PEX5L: variants seen among roughly 807,000 people sequenced by gnomAD.
PEX5L encodes the protein peroxisomal biogenesis factor 5 like.
Under a neutral mutation model 84.0 loss-of-function variants are expected in PEX5L, and 30 were observed. That is an observed-to-expected ratio of 0.36 (90% CI 0.27 to 0.48). PEX5L has a LOEUF of 0.48. Among genes scored for constraint, PEX5L ranks in the 20% least tolerant of loss-of-function variants. The pLI is 0.99. For missense variants in PEX5L, 533 were observed against 754.6 expected (o/e 0.71, Z 3.44); for synonymous variants, 270 against 283.1 (o/e 0.95, Z 0.46).
chr3:180,027,325 C>CT (rs1477973045), intron 1 of PEX5L, among the ~76,000 whole-genome samples: 1 of 152,134 alleles, frequency 6.6e-6, no homozygotes, highest in African/African-American at 2.4e-5. Context: ...CCCCAATGTA[C>CT]TTTTTTTCCA....
chr3:179,815,747 A>T, intron 10 of PEX5L, 114 bp downstream of exon 10: 1 of 1,144,490 alleles, frequency 8.7e-7, no homozygotes, highest in Non-Finnish European at 1.3e-6. Flanking sequence ...AGCTAGGTTA[A>T]CTCCTCTGGG....
chr3:179,963,385 T>C (rs1254584398), intron 2 of PEX5L, among the ~76,000 whole-genome samples: 2 of 152,206 alleles, frequency 1.3e-5, no homozygotes, highest in Non-Finnish European at 2.9e-5. Flanking sequence ...TGGCCAGTTT[T>C]CTTTGGAAGT....
At chr3:179,840,192 T>G (rs1015176794) in intron 8 of PEX5L, among the ~76,000 whole-genome samples, 2 of 144,182 alleles carry the variant, frequency 1.4e-5, no homozygotes, top group African/African-American at 5.1e-5. Context: ...TGTTTTTTTT[T>G]TTTTTTTTTT....
chr3:179,881,580 C>T (rs1754181594), intron 4 of PEX5L: 2 of 152,170 alleles, frequency 1.3e-5, no homozygotes, highest in Non-Finnish European at 2.9e-5. Context: ...ACAATAGGTA[C>T]TCAATAAATG....
chr3:180,032,002 G>A (rs756474929), intron 1 of PEX5L, among the ~76,000 whole-genome samples: 3 of 152,130 alleles, frequency 2.0e-5, no homozygotes, highest in Non-Finnish European at 4.4e-5. Context: ...GTTTCTTATA[G>A]TAAGTATATA....
chr3:180,036,507 G>A, intron 1 of PEX5L, 72 bp downstream of exon 1: 1 of 1,436,448 alleles, frequency 7.0e-7, no homozygotes, highest in Non-Finnish European at 9.8e-7. Context: ...CTTGACCACA[G>A]AAACTTGGTG....
At chr3:179,967,341 C>T (rs4855130) in intron 2 of PEX5L, among the ~76,000 whole-genome samples, 67,637 of 151,824 alleles carry the variant, frequency 0.45, 16,272 homozygotes, top group East Asian at 0.89. Flanking sequence ...TTCTCATTTG[C>T]TAAACTGGGG....
intron 1 of PEX5L, among the ~76,000 whole-genome samples, chr3:180,031,347 G>T (rs1303968263): frequency 6.6e-6 from 1 of 152,192 alleles, no homozygotes; most frequent in Non-Finnish European, 1.5e-5. Flanking sequence ...TAGGTGAGGT[G>T]AGGTAGAAGT....
chr3:179,889,311 T>G (rs1278150785), intron 3 of PEX5L, among the ~76,000 whole-genome samples: 1 of 152,138 alleles, frequency 6.6e-6, no homozygotes, highest in Non-Finnish European at 1.5e-5. Context: ...CTTTTATTTC[T>G]GAAAGGGCAA....
At chr3:180,019,905 A>G (rs1390813541) in intron 1 of PEX5L, among the ~76,000 whole-genome samples, 2 of 152,218 alleles carry the variant, frequency 1.3e-5, no homozygotes, top group Admixed American at 1.3e-4. Context: ...AAAACTTGGC[A>G]ACAAATCTGT....
intron 4 of PEX5L, among the ~76,000 whole-genome samples, chr3:179,884,348 G>T (rs1008162562): frequency 2.6e-5 from 4 of 152,300 alleles, no homozygotes; most frequent in Non-Finnish European, 5.9e-5. Context: ...AGTTAGGGGG[G>T]TCAGAGCCAG....
chr3:179,954,716 T>C (rs1247344791), intron 2 of PEX5L, among the ~76,000 whole-genome samples: 1 of 152,156 alleles, frequency 6.6e-6, no homozygotes, highest in East Asian at 1.9e-4. Context: ...CTGATTTCAA[T>C]TCTATGTTTG....
Position 179,815,850 on chromosome 3 carries a change from G to C in PEX5L, c.1083+11C>G, listed in dbSNP as rs2108874358. On this transcript the variant is annotated intron_variant, in intron 10 of 14. Coordinates refer to ENST00000467460, the MANE Select transcript of PEX5L (RefSeq NM_016559.3). ...CTTTCTGAGTCTGGCAGAATGAAGG[G>C]AGAATGACACCTCTGCATCTCCAGG... The C allele has an allele frequency of 1.2e-6, 2 of 1,613,832 alleles. No individual in the cohort carries two copies. Among genetic ancestry groups the C allele is most frequent in the East Asian group, 4.5e-5 (2 of 44,876 alleles).
intron 2 of PEX5L, among the ~76,000 whole-genome samples, chr3:179,952,481 G>C (rs2109980267): frequency 6.6e-6 from 1 of 152,240 alleles, no homozygotes; most frequent in South Asian, 2.1e-4. Flanking sequence ...TTAACAATTT[G>C]TAAGTTCATC....
chr3:179,918,308 C>T (rs1767991496), intron 2 of PEX5L, among the ~76,000 whole-genome samples: 1 of 152,112 alleles, frequency 6.6e-6, no homozygotes, highest in South Asian at 2.1e-4. Flanking sequence ...ATACGGATTC[C>T]AAGTAGCAAA....
At chr3:180,020,926 GC>G (rs1330635371) in intron 1 of PEX5L, among the ~76,000 whole-genome samples, 2 of 152,094 alleles carry the variant, frequency 1.3e-5, no homozygotes, top group African/African-American at 4.8e-5. Context: ...AACATGTATT[GC>G]TTGCCCACCA....
chr3:180,005,340 A>G (rs2110439707), intron 1 of PEX5L, among the ~76,000 whole-genome samples: 1 of 152,226 alleles, frequency 6.6e-6, no homozygotes, highest in Non-Finnish European at 1.5e-5. Flanking sequence ...ATCTTACTGT[A>G]GCCTCAAAAT....
chr3:179,809,548 T>C lies in PEX5L; in HGVS notation c.1275A>G (p.Pro425=), dbSNP rs759177472. Residue 425 remains proline, a synonymous_variant, in exon 12 of 15, where the codon CCA becomes CCG. Transcript: ENST00000467460. ...DALKNWIKQN[P]KYKYLVKSKK... ...TGCTTTTCACAAGGTATTTGTACTT[T>C]GGATTTTGCTTAATCCAATTCTTCA... 11 of 1,614,196 alleles carry C rather than the reference T, an allele frequency of 6.8e-6. No homozygotes were observed. The highest frequency in any genetic ancestry group is 1.3e-5 in the African/African-American group (1 of 75,054).
intron 1 of PEX5L, among the ~76,000 whole-genome samples, chr3:179,997,782 C>G (rs1417133593): frequency 6.6e-6 from 1 of 152,244 alleles, no homozygotes; most frequent in Non-Finnish European, 1.5e-5. Flanking sequence ...CTCCTGGTAC[C>G]TGGTATGCAG....
Sources: allele counts gnomAD v4.1 joint callset (sites outside exome capture counted in the v4.1 genomes callset), GRCh38; gene constraint gnomAD v4.1.1; transcripts MANE v1.5; gene names NCBI Gene and HGNC (gene_info 2026-07-23, HGNC 2026-07-21).